DLGAP2: variants seen among roughly 807,000 people sequenced by gnomAD.
DLGAP2 encodes the protein disks large-associated protein 2.
A neutral mutation model predicts 100.3 loss-of-function variants in DLGAP2; 26 were observed. The ratio of observed to expected loss-of-function variants is 0.26; its 90% CI spans 0.19 to 0.36. The LOEUF (loss-of-function observed/expected upper bound fraction) is 0.36, where lower values mean the gene tolerates loss of function less well. DLGAP2 is among the 10% of genes least tolerant of loss of function. The pLI, the probability that DLGAP2 is intolerant of heterozygous loss-of-function variation, is 1.00. For missense variants in DLGAP2, 1,858 were observed against 1,453.2 expected (o/e 1.28, Z -4.53); for synonymous variants, 886 against 630.1 (o/e 1.41, Z -6.08).
chr8:869,280 G>A (rs1261721722), intron 1 of DLGAP2, among the ~76,000 whole-genome samples: 1 of 151,866 alleles, frequency 6.6e-6, no homozygotes, highest in Non-Finnish European at 1.5e-5. Context: ...AGCTGTTTTC[G>A]CGTCCTTCTT....
At chr8:1,359,337 A>G (rs979875685) in intron 3 of DLGAP2, among the ~76,000 whole-genome samples, 2 of 152,234 alleles carry the variant, frequency 1.3e-5, no homozygotes, top group Middle Eastern at 3.2e-3. Flanking sequence ...AAGAGAGGCC[A>G]GGCACTCCGG....
intron 1 of DLGAP2, among the ~76,000 whole-genome samples, chr8:778,147 A>G (rs1457561861): frequency 6.6e-6 from 1 of 151,950 alleles, no homozygotes; most frequent in Non-Finnish European, 1.5e-5. Flanking sequence ...TCGGCTCCTG[A>G]GGCTTCTGCA....
chr8:1,177,433 C>T (rs759324731), intron 2 of DLGAP2, among the ~76,000 whole-genome samples: 1 of 152,018 alleles, frequency 6.6e-6, no homozygotes, highest in Non-Finnish European at 1.5e-5. Context: ...CCTGACTTTC[C>T]CACCATCTTT....
At chr8:1,202,931 T>C (rs1394145592) in intron 2 of DLGAP2, among the ~76,000 whole-genome samples, 1 of 152,182 alleles carries the variant, frequency 6.6e-6, no homozygotes, top group East Asian at 1.9e-4. Context: ...ACAGATGGGG[T>C]GAGCACATGC....
intron 1 of DLGAP2, among the ~76,000 whole-genome samples, chr8:866,775 T>C (rs947055349): frequency 1.3e-5 from 2 of 152,198 alleles, no homozygotes; most frequent in Non-Finnish European, 2.9e-5. Flanking sequence ...ATCGACCGTT[T>C]CTCCCTTTCT....
intron 1 of DLGAP2, among the ~76,000 whole-genome samples, chr8:802,596 C>G (rs1170579124): frequency 2.0e-5 from 3 of 152,168 alleles, no homozygotes; most frequent in African/African-American, 7.2e-5. Flanking sequence ...CGGGGTGGGA[C>G]CCAGCCACCC....
At chr8:1,039,506 GGCTCGGTGTGCATGTTCA>G (rs1300915677) in intron 2 of DLGAP2, among the ~76,000 whole-genome samples, 69 of 121,598 alleles carry the variant, frequency 5.7e-4, no homozygotes, top group Admixed American at 4.4e-3. Flanking sequence ...GTGCATGGTC[GGCTCGGTGTGCATGTTCA>G]GCTCGGTGTG....
chr8:891,452 T>G (rs1798033473), intron 1 of DLGAP2: 1 of 152,426 alleles, frequency 6.6e-6, no homozygotes, highest in African/African-American at 2.4e-5. Flanking sequence ...TCGGAAGCTG[T>G]TCTCTTGGGG....
At chr8:1,204,653 A>C (rs1245402910) in intron 2 of DLGAP2, among the ~76,000 whole-genome samples, 1 of 152,216 alleles carries the variant, frequency 6.6e-6, no homozygotes, top group Non-Finnish European at 1.5e-5. Flanking sequence ...GATTCGCCAA[A>C]GAACCCAGCC....
At chr8:1,078,100 T>G (rs1243813942) in intron 2 of DLGAP2, among the ~76,000 whole-genome samples, 19 of 152,128 alleles carry the variant, frequency 1.2e-4, no homozygotes, top group Admixed American at 2.6e-4. Context: ...TTCCTAAATT[T>G]CGAGATGGGA....
At chr8:1,042,654 G>C (rs992051507) in intron 2 of DLGAP2, among the ~76,000 whole-genome samples, 1 of 152,204 alleles carries the variant, frequency 6.6e-6, no homozygotes. Context: ...CCATCCTCTG[G>C]GAAGTCCTGG....
At chr8:859,544 C>A (rs1797349964) in intron 1 of DLGAP2, among the ~76,000 whole-genome samples, 1 of 152,156 alleles carries the variant, frequency 6.6e-6, no homozygotes, top group Admixed American at 6.6e-5. Context: ...TTTATTTCTA[C>A]AACACAGGGA....
chr8:999,338 C>G (rs140644855), intron 2 of DLGAP2, among the ~76,000 whole-genome samples: 9 of 151,926 alleles, frequency 5.9e-5, no homozygotes, highest in Non-Finnish European at 1.3e-4. Context: ...TACCTCTTCT[C>G]TCACTTTTCT....
intron 1 of DLGAP2, among the ~76,000 whole-genome samples, chr8:805,674 C>T (rs977098879): frequency 6.6e-6 from 1 of 152,194 alleles, no homozygotes; most frequent in Non-Finnish European, 1.5e-5. Context: ...GTGGCACGAT[C>T]TGGGCTCACT....
At chr8:1,009,550 A>T (rs796895818) in intron 2 of DLGAP2, among the ~76,000 whole-genome samples, 3 of 152,280 alleles carry the variant, frequency 2.0e-5, no homozygotes, top group African/African-American at 7.2e-5. Flanking sequence ...ACACGTGGGA[A>T]TTTTTTTGAG....
At chr8:799,651 C>T (rs1015335965) in intron 1 of DLGAP2, among the ~76,000 whole-genome samples, 3 of 152,196 alleles carry the variant, frequency 2.0e-5, no homozygotes, top group Admixed American at 2.0e-4. Flanking sequence ...GGCTGGAGTG[C>T]AGTGGTGCAA....
At chr8:1,114,588 T>A (rs893258677) in intron 2 of DLGAP2, among the ~76,000 whole-genome samples, 6 of 152,114 alleles carry the variant, frequency 3.9e-5, no homozygotes, top group African/African-American at 1.4e-4. Context: ...GCCTCCTCTC[T>A]TTTCTTCTTT....
chr8:1,692,805 T>C (rs1164678607), intron 13 of DLGAP2, among the ~76,000 whole-genome samples: 1 of 151,844 alleles, frequency 6.6e-6, no homozygotes, highest in Non-Finnish European at 1.5e-5. Context: ...AACTTGGTTA[T>C]TCCTGACAAG....
intron 2 of DLGAP2, among the ~76,000 whole-genome samples, chr8:1,059,296 C>T (rs1368421267): frequency 1.3e-5 from 2 of 151,632 alleles, no homozygotes. Context: ...CCTCCTGGGA[C>T]CCCTGCATCC....
Sources: allele counts gnomAD v4.1 joint callset (sites outside exome capture counted in the v4.1 genomes callset), GRCh38; gene constraint gnomAD v4.1.1; transcripts MANE v1.5; gene names NCBI Gene and HGNC (gene_info 2026-07-23, HGNC 2026-07-21).